CAMK1D: variants seen among roughly 807,000 people sequenced by gnomAD.
CAMK1D encodes calcium/calmodulin-dependent protein kinase type 1D.
CAMK1D carries 9 observed loss-of-function variants against 47.7 expected under a neutral mutation model. That is an observed-to-expected ratio of 0.19 (90% CI 0.11 to 0.33). The LOEUF (loss-of-function observed/expected upper bound fraction) is 0.33. Ranked by LOEUF, CAMK1D falls within the 10% of genes least tolerant of loss-of-function variation. The probability of loss-of-function intolerance (pLI) is 1.00; values close to 1 mark genes in which losing one functional copy is unlikely to be tolerated. For synonymous variants in CAMK1D, 184 were observed against 184.9 expected (o/e 0.99, Z 0.04); for missense variants, 291 against 488.7 (o/e 0.60, Z 3.81).
intron 2 of CAMK1D, among the ~76,000 whole-genome samples, chr10:12,606,209 G>A (rs571223118): frequency 1.3e-5 from 2 of 152,250 alleles, no homozygotes; most frequent in South Asian, 2.1e-4. Flanking sequence ...GGGAGGGAGC[G>A]CGGGGCCTCT....
At chr10:12,352,764 T>A (rs1407744698) in intron 1 of CAMK1D, among the ~76,000 whole-genome samples, 3 of 137,600 alleles carry the variant, frequency 2.2e-5, no homozygotes, top group Non-Finnish European at 4.7e-5. Context: ...TGAGACGGAG[T>A]CTCACTCTGT....
At chr10:12,756,284 A>T (rs1836223965) in intron 3 of CAMK1D, among the ~76,000 whole-genome samples, 1 of 152,238 alleles carries the variant, frequency 6.6e-6, no homozygotes, top group Admixed American at 6.5e-5. Context: ...ATTGTAAGAT[A>T]ACAGGATATC....
intron 3 of CAMK1D, among the ~76,000 whole-genome samples, chr10:12,684,045 G>A (rs1832556896): frequency 1.3e-5 from 2 of 152,144 alleles, no homozygotes; most frequent in African/African-American, 4.8e-5. Flanking sequence ...TAGCAAAAAT[G>A]AAGGACAGGG....
intron 1 of CAMK1D, among the ~76,000 whole-genome samples, chr10:12,394,016 G>A (rs961636984): frequency 3.9e-5 from 6 of 152,160 alleles, no homozygotes; most frequent in African/African-American, 7.2e-5. Context: ...CACCCCCTCC[G>A]CTTCAGACGC....
At chr10:12,696,722 C>A (rs893591911) in intron 3 of CAMK1D, among the ~76,000 whole-genome samples, 1 of 152,212 alleles carries the variant, frequency 6.6e-6, no homozygotes, top group Non-Finnish European at 1.5e-5. Context: ...TGTTCTTCTT[C>A]ATTGTATTTG....
chr10:12,590,736 A>G (rs1376747394), intron 2 of CAMK1D, among the ~76,000 whole-genome samples: 1 of 152,238 alleles, frequency 6.6e-6, no homozygotes, highest in Non-Finnish European at 1.5e-5. Flanking sequence ...ATCCATGATT[A>G]GAATCACAGA....
At chr10:12,821,589 C>G (rs772239346) in intron 8 of CAMK1D, among the ~76,000 whole-genome samples, 6 of 152,204 alleles carry the variant, frequency 3.9e-5, no homozygotes, top group Non-Finnish European at 7.3e-5. Flanking sequence ...GCAGGGGAGA[C>G]TAGGCTGTGG....
At chr10:12,460,420 C>T (rs1003221923) in intron 1 of CAMK1D, among the ~76,000 whole-genome samples, 4 of 151,914 alleles carry the variant, frequency 2.6e-5, no homozygotes, top group African/African-American at 7.3e-5. Flanking sequence ...ACTGCCATGC[C>T]CAGCTTATTT....
At chr10:12,767,914 C>G (rs753695056) in intron 4 of CAMK1D, among the ~76,000 whole-genome samples, 1 of 152,186 alleles carries the variant, frequency 6.6e-6, no homozygotes, top group African/African-American at 2.4e-5. Context: ...CTCTTGTCAT[C>G]CAGGCTGGAG....
At chr10:12,672,102 A>G (rs1210929571) in intron 3 of CAMK1D, among the ~76,000 whole-genome samples, 1 of 151,134 alleles carries the variant, frequency 6.6e-6, no homozygotes, top group Non-Finnish European at 1.5e-5. Flanking sequence ...TTTTTAGTAG[A>G]GATGGGGTTT....
chr10:12,658,089 A>C (rs1051221517), intron 2 of CAMK1D, among the ~76,000 whole-genome samples: 50 of 152,262 alleles, frequency 3.3e-4, no homozygotes, highest in African/African-American at 1.1e-3. Context: ...TGGAGGTTGC[A>C]GTGAGCCGAG....
At position 12,698,992 on chromosome 10, in the gene CAMK1D, TAAGG is replaced by T. The variant is rs532435273; in HGVS notation, c.299+32186_299+32189del. On this transcript the variant is annotated intron_variant, in intron 3 of 10. Coordinates refer to ENST00000619168, the MANE Select transcript of CAMK1D (RefSeq NM_153498.4). Reference sequence around the variant, plus strand: ...GGCCTAGAGATTCTTTTTTTTAAGATAAGGAAGTAAAAAGAAATCAGAAGGAGCC... The same window carrying T: ...GGCCTAGAGATTCTTTTTTTTAAGATAAGTAAAAAGAAATCAGAAGGAGCC... Among the ~76,000 whole-genome samples, 300 of 151,984 alleles carry T rather than the reference TAAGG, an allele frequency of 2.0e-3. 7 individuals are homozygous for T. In the South Asian group the frequency reaches 0.029, roughly 15 times the overall value.
intron 6 of CAMK1D, among the ~76,000 whole-genome samples, chr10:12,793,802 G>A (rs999934356): frequency 2.6e-5 from 4 of 152,236 alleles, no homozygotes; most frequent in Non-Finnish European, 5.9e-5. Context: ...TAGTGAAGAA[G>A]GAGGCAGGAA....
At chr10:12,808,803 G>A (rs781471877) in intron 6 of CAMK1D, among the ~76,000 whole-genome samples, 14 of 151,768 alleles carry the variant, frequency 9.2e-5, no homozygotes, top group Non-Finnish European at 1.6e-4. Flanking sequence ...TAAACAAAAC[G>A]AAAACTGTGA....
chr10:12,731,290 G>A (rs953001181), intron 3 of CAMK1D, among the ~76,000 whole-genome samples: 8 of 152,200 alleles, frequency 5.3e-5, no homozygotes, highest in African/African-American at 1.9e-4. Flanking sequence ...ACTTGGTGCA[G>A]ATGCTTCTGG....
intron 1 of CAMK1D, among the ~76,000 whole-genome samples, chr10:12,389,377 T>C (rs1217293821): frequency 1.3e-5 from 2 of 152,086 alleles, no homozygotes; most frequent in Non-Finnish European, 2.9e-5. Context: ...CCGACACTGC[T>C]CTCCTTGGGG....
intron 1 of CAMK1D, among the ~76,000 whole-genome samples, chr10:12,490,577 G>A (rs184043051): frequency 1.1e-4 from 17 of 152,290 alleles, no homozygotes; most frequent in African/African-American, 1.4e-4. Context: ...GGCTGGGTGC[G>A]GCGGCTCACG....
chr10:12,409,006 A>C (rs569107284), intron 1 of CAMK1D, among the ~76,000 whole-genome samples: 2 of 151,870 alleles, frequency 1.3e-5, no homozygotes, highest in East Asian at 1.9e-4. Context: ...ACAGGCGTGC[A>C]CCACCATGCC....
At chr10:12,821,374 C>G (rs530606067) in intron 8 of CAMK1D, among the ~76,000 whole-genome samples, 1 of 152,290 alleles carries the variant, frequency 6.6e-6, no homozygotes, top group East Asian at 1.9e-4. Context: ...TGAGTGTTCG[C>G]CGAACCCCCG....
Sources: gnomAD v4.1 joint callset for allele counts (sites outside exome capture counted in the v4.1 genomes callset) on GRCh38, gnomAD v4.1.1 for gene constraint, MANE v1.5 for transcripts, NCBI Gene and HGNC (gene_info 2026-07-23, HGNC 2026-07-21) for gene names.